GALNT13: variants seen among roughly 807,000 people sequenced by gnomAD.
GALNT13 encodes polypeptide N-acetylgalactosaminyltransferase 13.
A neutral mutation model predicts 64.2 loss-of-function variants in GALNT13; 28 were observed. The ratio of observed to expected loss-of-function variants is 0.44; its 90% CI spans 0.32 to 0.60. The LOEUF is 0.60. GALNT13 is among the 20% of genes least tolerant of loss of function. The probability of loss-of-function intolerance (pLI) is 0.05; values close to 1 mark genes in which losing one functional copy is unlikely to be tolerated. For missense variants in GALNT13, 577 were observed against 669.8 expected (o/e 0.86, Z 1.53); for synonymous variants, 214 against 224.6 (o/e 0.95, Z 0.42).
At chr2:154,397,242 T>C (rs988154497) in intron 10 of GALNT13, among the ~76,000 whole-genome samples, 2 of 151,992 alleles carry the variant, frequency 1.3e-5, no homozygotes, top group African/African-American at 2.4e-5. Flanking sequence ...GACACCATCC[T>C]GGCTAACACA....
chr2:153,210,696 C>G, the GALNT13 span, among the ~76,000 whole-genome samples: 1 of 152,090 alleles, frequency 6.6e-6, no homozygotes, highest in Non-Finnish European at 1.5e-5. Context: ...AATACATTTT[C>G]AAAGGTTGTG....
chr2:153,251,829 C>T, the GALNT13 span, among the ~76,000 whole-genome samples: 1 of 151,792 alleles, frequency 6.6e-6, no homozygotes, highest in South Asian at 2.1e-4. Flanking sequence ...CATAGTATTC[C>T]ATGGTGTATA....
rs1039001493 is a variant in GALNT13, at chr2:154,141,219, C to T, written c.311+714C>T. On this transcript the variant is annotated intron_variant, in intron 4 of 12. Coordinates refer to ENST00000392825, the MANE Select transcript of GALNT13 (RefSeq NM_052917.4). ...TGTGAAGGCTTAGGGCATTACTGTACGCTACTTGTAGACTTTATAAACACT... is the reference window on the plus strand; with the variant it reads ...TGTGAAGGCTTAGGGCATTACTGTATGCTACTTGTAGACTTTATAAACACT... Among the ~76,000 whole-genome samples the T allele has an allele frequency of 4.6e-5, 7 of 152,114 alleles. No individual in the cohort carries two copies. In the South Asian group the frequency reaches 8.3e-4, roughly 18 times the overall value.
the GALNT13 span, among the ~76,000 whole-genome samples, chr2:153,688,787 T>G: frequency 6.6e-6 from 1 of 152,104 alleles, no homozygotes. Context: ...TTTGTTTACC[T>G]TTTACTGACT....
chr2:154,313,926 TCTACCC>T (rs1405383209), intron 9 of GALNT13, among the ~76,000 whole-genome samples: 1 of 152,186 alleles, frequency 6.6e-6, no homozygotes, highest in Admixed American at 6.5e-5. Context: ...ATTAATAAAT[TCTACCC>T]CAATTGGATT....
chr2:154,422,861 T>G (rs1700313231), intron 11 of GALNT13, among the ~76,000 whole-genome samples: 1 of 151,966 alleles, frequency 6.6e-6, no homozygotes, highest in South Asian at 2.1e-4. Flanking sequence ...AGAGACCTGA[T>G]TTTTTTTCTT....
the GALNT13 span, among the ~76,000 whole-genome samples, chr2:153,762,819 A>AT: frequency 1.3e-5 from 2 of 149,544 alleles, no homozygotes; most frequent in Admixed American, 1.3e-4. Flanking sequence ...TTTTATATAT[A>AT]TTTTTTCTTC....
the GALNT13 span, among the ~76,000 whole-genome samples, chr2:153,176,964 A>G: frequency 6.6e-6 from 1 of 152,150 alleles, no homozygotes; most frequent in Non-Finnish European, 1.5e-5. Context: ...ATTTTTTTAG[A>G]CAACAAAAGT....
chr2:153,884,142 A>G (rs1400592061), intron 1 of GALNT13, among the ~76,000 whole-genome samples: 1 of 152,070 alleles, frequency 6.6e-6, no homozygotes, highest in African/African-American at 2.4e-5. Flanking sequence ...TAAAATTACA[A>G]AGATAACCAA....
the GALNT13 span, among the ~76,000 whole-genome samples, chr2:153,348,631 A>G: frequency 6.6e-6 from 1 of 152,254 alleles, no homozygotes. Flanking sequence ...GGAAAAACAT[A>G]TAGAATGTCC....
chr2:154,240,993 A>ATGGCTTGC (rs1379316083), intron 4 of GALNT13, among the ~76,000 whole-genome samples: 2 of 152,066 alleles, frequency 1.3e-5, no homozygotes, highest in Non-Finnish European at 2.9e-5. Flanking sequence ...CCACTGGTCA[A>ATGGCTTGC]TGGCTTGCTG....
intron 3 of GALNT13, among the ~76,000 whole-genome samples, chr2:154,129,677 T>C (rs1220785235): frequency 6.6e-6 from 1 of 152,148 alleles, no homozygotes; most frequent in Non-Finnish European, 1.5e-5. Context: ...TCTTTATATT[T>C]ATCTTTATAT....
At chr2:153,547,514 G>A in the GALNT13 span, among the ~76,000 whole-genome samples, 1,283 of 152,194 alleles carry the variant, frequency 8.4e-3, 25 homozygotes, top group African/African-American at 0.029. Context: ...ATAAGCCACA[G>A]GTAGAGTCTT....
At chr2:153,133,711 A>G in the GALNT13 span, among the ~76,000 whole-genome samples, 3 of 152,136 alleles carry the variant, frequency 2.0e-5, no homozygotes, top group East Asian at 1.9e-4. Flanking sequence ...ACAACTTTCC[A>G]TTTGTCTATA....
At chr2:153,964,638 T>C (rs1693200556) in intron 3 of GALNT13, among the ~76,000 whole-genome samples, 1 of 152,076 alleles carries the variant, frequency 6.6e-6, no homozygotes, top group Non-Finnish European at 1.5e-5. Context: ...CTGAATCTTC[T>C]CTAGATATTT....
At chr2:153,374,566 C>A in the GALNT13 span, among the ~76,000 whole-genome samples, 1 of 152,054 alleles carries the variant, frequency 6.6e-6, no homozygotes, top group Non-Finnish European at 1.5e-5. Context: ...TTTCTGTGTT[C>A]AATCTAATAG....
intron 3 of GALNT13, among the ~76,000 whole-genome samples, chr2:154,032,402 A>G (rs1305572983): frequency 6.6e-6 from 1 of 152,004 alleles, no homozygotes; most frequent in Non-Finnish European, 1.5e-5. Flanking sequence ...CGAAAGGAGA[A>G]GTAGCACTTT....
At chr2:153,955,299 A>G (rs1692484246) in intron 3 of GALNT13, among the ~76,000 whole-genome samples, 1 of 152,190 alleles carries the variant, frequency 6.6e-6, no homozygotes, top group Non-Finnish European at 1.5e-5. Context: ...TAAATTACAA[A>G]ACAGAAAGTG....
At chr2:153,498,788 T>C in the GALNT13 span, among the ~76,000 whole-genome samples, 1 of 151,854 alleles carries the variant, frequency 6.6e-6, no homozygotes, top group Non-Finnish European at 1.5e-5. Flanking sequence ...GGTTGGGGGG[T>C]GTGTTTCAGC....
Sources: allele counts gnomAD v4.1 joint callset (sites outside exome capture counted in the v4.1 genomes callset), GRCh38; gene constraint gnomAD v4.1.1; transcripts MANE v1.5; gene names NCBI Gene and HGNC (gene_info 2026-07-23, HGNC 2026-07-21).